The following PSEN1 variants were observed in gnomAD, a reference collection of about 807,000 sequenced individuals.
PSEN1 encodes presenilin 1, also known as presenilin-1.
In PSEN1, 15 loss-of-function variants were observed where a neutral mutation model predicts 53.5. The observed-to-expected ratio is 0.28, with a 90% CI of 0.19 to 0.43. PSEN1 has a LOEUF of 0.43. Ranked by LOEUF, PSEN1 falls within the 20% of genes least tolerant of loss-of-function variation. The probability of loss-of-function intolerance (pLI) is 1.00; values close to 1 mark genes in which losing one functional copy is unlikely to be tolerated. For synonymous variants in PSEN1, 208 were observed against 209.8 expected, an observed-to-expected ratio of 0.99 and a Z score of 0.08; for missense variants, 387 against 571.2, an observed-to-expected ratio of 0.68 and a Z score of 3.29.
chr14:73,218,650 A>G (rs1338673113), intron 11 of PSEN1, among the ~76,000 whole-genome samples: 1 of 151,150 alleles, frequency 6.6e-6, no homozygotes, highest in East Asian at 2.0e-4. Context: ...CCCACACAGC[A>G]TAAAGAATGC....
At chr14:73,179,189 T>C (rs1291001582) in intron 5 of PSEN1, among the ~76,000 whole-genome samples, 1 of 152,172 alleles carries the variant, frequency 6.6e-6, no homozygotes, top group Non-Finnish European at 1.5e-5. Context: ...CAAGGGCTAT[T>C]TGCCCCACTC....
At chr14:73,211,158 G>A (rs545515859) in intron 9 of PSEN1, among the ~76,000 whole-genome samples, 26 of 152,314 alleles carry the variant, frequency 1.7e-4, no homozygotes, top group Non-Finnish European at 3.7e-4. Context: ...TGACAGGAAG[G>A]CCTGAGGTGT....
intron 3 of PSEN1, 69 bp downstream of exon 3, chr14:73,148,175 G>A (rs865970484): frequency 9.0e-6 from 11 of 1,218,718 alleles, no homozygotes; most frequent in African/African-American, 1.5e-5. Context: ...TCACCTCTGA[G>A]AAATGCTGAG....
intron 3 of PSEN1, among the ~76,000 whole-genome samples, chr14:73,149,017 G>C (rs886680923): frequency 1.3e-5 from 2 of 152,116 alleles, no homozygotes; most frequent in African/African-American, 4.8e-5. Flanking sequence ...GAGACAGTTG[G>C]AGTATCTATA....
chr14:73,171,820 A>G (rs1421932985), intron 4 of PSEN1, among the ~76,000 whole-genome samples: 1 of 152,242 alleles, frequency 6.6e-6, no homozygotes, highest in African/African-American at 2.4e-5. Flanking sequence ...ATACTGGCGT[A>G]TTAATTCTTT....
intron 1 of PSEN1, among the ~76,000 whole-genome samples, chr14:73,143,739 G>A (rs1468598248): frequency 6.6e-6 from 1 of 152,088 alleles, no homozygotes; most frequent in Non-Finnish European, 1.5e-5. Context: ...ACCAGTGGCT[G>A]CAGTGGCTCA....
At chr14:73,197,905 G>A (rs1469871107) in intron 7 of PSEN1, 126 bp from the exon 8 acceptor site, 6 of 628,978 alleles carry the variant, frequency 9.5e-6, no homozygotes, top group East Asian at 8.7e-5. Context: ...TTCATTCAAC[G>A]TCTTTTTGTG....
intron 8 of PSEN1, among the ~76,000 whole-genome samples, chr14:73,204,530 A>T (rs1010190308): frequency 1.9e-5 from 2 of 103,998 alleles, no homozygotes; most frequent in South Asian, 7.4e-4. Flanking sequence ...TTTACATTTA[A>T]AAAAAAAAAA....
chr14:73,200,025 C>T (rs895715044), intron 8 of PSEN1, among the ~76,000 whole-genome samples: 11 of 152,232 alleles, frequency 7.2e-5, no homozygotes, highest in Middle Eastern at 3.4e-3. Context: ...AGGATTATAG[C>T]TGTGAGCCAC....
chr14:73,219,187 T>C lies in PSEN1; in HGVS notation c.1302T>C (p.Ala434=). 1 of 1,613,926 alleles carries C rather than the reference T, an allele frequency of 6.2e-7. No individual in the cohort carries two copies. The highest frequency in any genetic ancestry group is 8.5e-7 in the Non-Finnish European group (1 of 1,179,774). ...LLAIFKKALP[A]LPISITFGLV... is the part of the protein sequence containing the mutation. ...CCATTTTCAAGAAAGCATTGCCAGC[T>C]CTTCCAATCTCCATCACCTTTGGGC... Residue 434 remains alanine (A), a synonymous_variant, in exon 12 of 12, where the codon GCT becomes GCC. Coordinates refer to ENST00000324501, the MANE Select transcript of PSEN1 (RefSeq NM_000021.4).
chr14:73,148,129 T>C, intron 3 of PSEN1, 23 bp downstream of exon 3: 2 of 1,576,836 alleles, frequency 1.3e-6, no homozygotes, highest in Non-Finnish European at 8.7e-7. Flanking sequence ...TCTCTGAAAC[T>C]GCCTTTGCCA....
At chr14:73,145,460 G>A (rs946824883) in intron 1 of PSEN1, among the ~76,000 whole-genome samples, 2 of 151,818 alleles carry the variant, frequency 1.3e-5, no homozygotes, top group East Asian at 3.9e-4. Context: ...TCAGCCTCCT[G>A]AGTAGCTGGA....
At chr14:73,211,430 C>T (rs1899674891) in intron 9 of PSEN1, among the ~76,000 whole-genome samples, 1 of 152,086 alleles carries the variant, frequency 6.6e-6, no homozygotes, top group Non-Finnish European at 1.5e-5. Context: ...TTTGCTTCAC[C>T]ACTCATAGGT....
At chr14:73,152,376 C>T (rs995225307) in intron 3 of PSEN1, among the ~76,000 whole-genome samples, 2 of 148,644 alleles carry the variant, frequency 1.3e-5, no homozygotes, top group Admixed American at 1.4e-4. Flanking sequence ...TTTGGGAGGC[C>T]GAGGCAGGTG....
chr14:73,165,060 G>A (rs1738821720), intron 3 of PSEN1, among the ~76,000 whole-genome samples: 1 of 151,952 alleles, frequency 6.6e-6, no homozygotes, highest in African/African-American at 2.4e-5. Flanking sequence ...GGGTTCAAAC[G>A]ATTCGCCTGC....
chr14:73,217,013 T>G, intron 10 of PSEN1, 113 bp from the exon 11 acceptor site: 1 of 1,191,696 alleles, frequency 8.4e-7, no homozygotes, highest in Non-Finnish European at 1.2e-6. Context: ...TGTATATCAT[T>G]TACTGACTTC....
intron 1 of PSEN1, among the ~76,000 whole-genome samples, chr14:73,138,514 C>A (rs1047437395): frequency 6.6e-6 from 1 of 150,810 alleles, no homozygotes; most frequent in East Asian, 2.0e-4. Flanking sequence ...CCACCCTGCC[C>A]GGCCGGCTAT....
intron 11 of PSEN1, among the ~76,000 whole-genome samples, 195 bp from the exon 12 acceptor site, chr14:73,218,939 C>T (rs1900038394): frequency 6.6e-6 from 1 of 152,140 alleles, no homozygotes; most frequent in Non-Finnish European, 1.5e-5. Flanking sequence ...GCATAATGAA[C>T]CCTATGAAAC....
chr14:73,201,989 C>CA (rs1347897281), intron 8 of PSEN1, among the ~76,000 whole-genome samples: 7 of 152,068 alleles, frequency 4.6e-5, no homozygotes, highest in Admixed American at 6.6e-5. Flanking sequence ...TCAAGTGATC[C>CA]ACCTGCCTCG....
Sources: allele counts gnomAD v4.1 joint callset (sites outside exome capture counted in the v4.1 genomes callset), GRCh38; gene constraint gnomAD v4.1.1; transcripts MANE v1.5; gene names NCBI Gene and HGNC (gene_info 2026-07-23, HGNC 2026-07-21).